CHD1L: variants seen among roughly 807,000 people sequenced by gnomAD.
The protein encoded by CHD1L is ATP-dependent chromatin remodeler CHD1L.
CHD1L carries 118 observed loss-of-function variants against 115.9 expected under a neutral mutation model. The ratio of observed to expected loss-of-function variants is 1.02; its 90% CI spans 0.88 to 1.19. The LOEUF is 1.19. Ranked by LOEUF, CHD1L falls within the 50% of genes most tolerant of loss-of-function variation. The pLI is 0.00. For synonymous variants in CHD1L, 411 were observed against 387.1 expected (o/e 1.06, Z -0.72); for missense variants, 1,179 against 1,065.3 (o/e 1.11, Z -1.49).
the CHD1L span, chr1:147,208,704 G>T: frequency 1.6e-6 from 1 of 614,396 alleles, no homozygotes; most frequent in Non-Finnish European, 2.9e-6. Context: ...CTCCCAGAGT[G>T]CTGGGATTAC....
intron 21 of CHD1L, 89 bp from the exon 22 acceptor site, chr1:147,294,320 T>A (rs1686737243): frequency 2.6e-6 from 2 of 768,284 alleles, no homozygotes; most frequent in Non-Finnish European, 2.1e-6. Flanking sequence ...TTGAGGGAGA[T>A]AGTCAATAAT....
chr1:147,219,127 C>T, the CHD1L span, among the ~76,000 whole-genome samples: 4 of 152,092 alleles, frequency 2.6e-5, no homozygotes, highest in Non-Finnish European at 5.9e-5. Context: ...AATTTGGAGA[C>T]ACCAAAAACT....
the CHD1L span, chr1:147,203,932 AG>A: frequency 6.9e-7 from 1 of 1,443,792 alleles, no homozygotes; most frequent in African/African-American, 1.4e-5. Flanking sequence ...GTGTCAATCT[AG>A]GAAGAGCTGT....
chr1:147,253,465 C>G (rs1246741274), intron 2 of CHD1L, among the ~76,000 whole-genome samples: 1 of 152,154 alleles, frequency 6.6e-6, no homozygotes, highest in Non-Finnish European at 1.5e-5. Flanking sequence ...TAATCAAGCA[C>G]TCTAACCATA....
the CHD1L span, among the ~76,000 whole-genome samples, chr1:147,216,432 G>A: frequency 6.6e-6 from 1 of 152,120 alleles, no homozygotes; most frequent in Non-Finnish European, 1.5e-5. Flanking sequence ...TTTTAAATGA[G>A]TAACAATGAG....
At chr1:147,202,312 CTTTTTTTTTT>C in the CHD1L span, among the ~76,000 whole-genome samples, 5 of 77,466 alleles carry the variant, frequency 6.5e-5, no homozygotes, top group African/African-American at 1.9e-4. Context: ...AAAAGCAGTT[CTTTTTTTTTT>C]TTTTTTTTTT....
rs1682639000 is a variant in CHD1L, at chr1:147,285,316, TC to T, written c.1855-6del. ...TGACCCTGGTGATGGATCTTGTTCTTCCTCTAGGTTCTCATCCCAGGCCTTG... is the reference window on the plus strand; with the variant it reads ...TGACCCTGGTGATGGATCTTGTTCTTCTCTAGGTTCTCATCCCAGGCCTTG... On this transcript the variant is annotated splice_region_variant and splice_polypyrimidine_tract_variant and intron_variant, in intron 16 of 22. Coordinates refer to ENST00000369258, the MANE Select transcript of CHD1L (RefSeq NM_004284.6). 1 of 1,606,636 alleles carries T rather than the reference TC, an allele frequency of 6.2e-7. No individual in the cohort carries two copies. The highest frequency in any genetic ancestry group is 1.3e-5 in the African/African-American group (1 of 74,332).
the CHD1L span, chr1:147,184,548 T>A: frequency 1.9e-6 from 3 of 1,548,892 alleles, 1 homozygote; most frequent in South Asian, 2.4e-5. This position sits in a 1 kb window ranked among gnomAD's most constrained non-coding sequence, Gnocchi z 4.4. Flanking sequence ...TCTTTGTTGA[T>A]GATCTTGACA....
chr1:147,231,160 C>G, the CHD1L span, among the ~76,000 whole-genome samples: 1 of 152,046 alleles, frequency 6.6e-6, no homozygotes, highest in Non-Finnish European at 1.5e-5. Context: ...ATAAATTTCC[C>G]TCTACACACT....
At chr1:147,198,850 C>CAAAAAAAAAAAAAA in the CHD1L span, among the ~76,000 whole-genome samples, 1 of 51,762 alleles carries the variant, frequency 1.9e-5, no homozygotes, top group Non-Finnish European at 3.6e-5. Context: ...GACTGCATCT[C>CAAAAAAAAAAAAAA]AAAAAAAAAA....
intron 19 of CHD1L, among the ~76,000 whole-genome samples, chr1:147,290,841 TG>T (rs1553969766): frequency 3.3e-5 from 5 of 151,908 alleles, no homozygotes; most frequent in Admixed American, 2.0e-4. Context: ...TTGTAGAGAC[TG>T]GGTCTTGCGC....
At chr1:147,209,017 A>G in the CHD1L span, 1 of 1,614,080 alleles carries the variant, frequency 6.2e-7, no homozygotes, top group African/African-American at 1.3e-5. Context: ...TACACGATTC[A>G]GGATCCAAGC....
At chr1:147,282,206 G>A (rs1681170922) in intron 15 of CHD1L, among the ~76,000 whole-genome samples, 1 of 152,114 alleles carries the variant, frequency 6.6e-6, no homozygotes, top group Non-Finnish European at 1.5e-5. Flanking sequence ...TTACATGGAG[G>A]GCACCTTCTC....
chr1:147,211,090 A>G, the CHD1L span: 2 of 152,312 alleles, frequency 1.3e-5, no homozygotes, highest in Non-Finnish European at 2.9e-5. Context: ...GTGTGACAGT[A>G]TTGCCTCTGC....
chr1:147,290,404 T>C (rs1237566614), intron 19 of CHD1L, among the ~76,000 whole-genome samples: 1 of 152,058 alleles, frequency 6.6e-6, no homozygotes, highest in Non-Finnish European at 1.5e-5. Flanking sequence ...TAAGGAGAAA[T>C]GAGGAAGATT....
intron 19 of CHD1L, among the ~76,000 whole-genome samples, chr1:147,290,559 A>G (rs1274924776): frequency 6.6e-6 from 1 of 152,176 alleles, no homozygotes; most frequent in Non-Finnish European, 1.5e-5. Context: ...GTGCAAGGTC[A>G]TGGGTTTTGT....
chr1:147,231,784 G>A, the CHD1L span, among the ~76,000 whole-genome samples: 20 of 152,218 alleles, frequency 1.3e-4, no homozygotes, highest in East Asian at 1.2e-3. Context: ...TTGGAAAAGC[G>A]CAGTATTAGG....
At chr1:147,208,774 T>G in the CHD1L span, 8 of 1,235,644 alleles carry the variant, frequency 6.5e-6, no homozygotes, top group Admixed American at 1.8e-5. Flanking sequence ...TAGAGGTGGC[T>G]TTACTATTAG....
At chr1:147,207,756 G>A in the CHD1L span, among the ~76,000 whole-genome samples, 2 of 152,248 alleles carry the variant, frequency 1.3e-5, no homozygotes, top group Admixed American at 6.5e-5. Flanking sequence ...CAGTTAATCT[G>A]TTGTTTAATA....
Sources: gnomAD v4.1 joint callset for allele counts (sites outside exome capture counted in the v4.1 genomes callset) on GRCh38, gnomAD v4.1.1 for gene constraint, Gnocchi (gnomAD v3.1) non-coding constraint, MANE v1.5 for transcripts, NCBI Gene and HGNC (gene_info 2026-07-23, HGNC 2026-07-21) for gene names.